The following TNR variants were observed in gnomAD, a reference collection of about 807,000 sequenced individuals.
TNR encodes the protein tenascin-R.
A neutral mutation model predicts 150.4 loss-of-function variants in TNR; 45 were observed. The ratio of observed to expected loss-of-function variants is 0.30; its 90% CI spans 0.24 to 0.38. The LOEUF is 0.38. Among genes scored for constraint, TNR ranks in the 10% least tolerant of loss-of-function variants. The pLI, the probability that TNR is intolerant of heterozygous loss-of-function variation, is 1.00. For missense variants in TNR, 1,544 were observed against 1,759.1 expected, an observed-to-expected ratio of 0.88 and a Z score of 2.19; for synonymous variants, 687 against 678.4, an observed-to-expected ratio of 1.01 and a Z score of -0.20.
intron 1 of TNR, among the ~76,000 whole-genome samples, chr1:175,730,023 G>C (rs1302303824): frequency 2.0e-5 from 3 of 152,172 alleles, no homozygotes; most frequent in Non-Finnish European, 4.4e-5. Flanking sequence ...CATGCCTAAG[G>C]TACTCTGAGC....
intron 2 of TNR, among the ~76,000 whole-genome samples, chr1:175,435,275 T>C (rs900424275): frequency 6.6e-6 from 1 of 152,116 alleles, no homozygotes; most frequent in Non-Finnish European, 1.5e-5. Context: ...CATGGTCAGA[T>C]TCTAGATACA....
At chr1:175,699,351 G>A (rs1181822326) in intron 1 of TNR, among the ~76,000 whole-genome samples, 1 of 152,182 alleles carries the variant, frequency 6.6e-6, no homozygotes, top group East Asian at 1.9e-4. Flanking sequence ...CACCAGAGCT[G>A]AGGGCTCATT....
intron 15 of TNR, among the ~76,000 whole-genome samples, chr1:175,358,485 G>A (rs1220897401): frequency 6.6e-6 from 1 of 152,168 alleles, no homozygotes; most frequent in African/African-American, 2.4e-5. Context: ...GTCTGTTTTA[G>A]TTTTTACCTT....
At chr1:175,663,040 T>A (rs150894354) in intron 1 of TNR, among the ~76,000 whole-genome samples, 39 of 152,350 alleles carry the variant, frequency 2.6e-4, no homozygotes, top group Non-Finnish European at 5.0e-4. Flanking sequence ...TGTAACATCC[T>A]CAGCATAGCC....
intron 9 of TNR, among the ~76,000 whole-genome samples, chr1:175,377,211 G>T (rs1652430539): frequency 1.3e-5 from 2 of 152,160 alleles, no homozygotes; most frequent in Non-Finnish European, 2.9e-5. Flanking sequence ...GATTAAAGAA[G>T]CTATAACTGT....
intron 8 of TNR, among the ~76,000 whole-genome samples, chr1:175,381,533 G>T (rs992659164): frequency 3.3e-5 from 5 of 152,172 alleles, no homozygotes; most frequent in Admixed American, 6.5e-5. Context: ...TGGAAAGGTG[G>T]TTGTTAGAGC....
intron 1 of TNR, among the ~76,000 whole-genome samples, chr1:175,610,240 A>C (rs1663550664): frequency 6.6e-6 from 1 of 152,228 alleles, no homozygotes; most frequent in African/African-American, 2.4e-5. Context: ...AAAACAGAGA[A>C]GGTTAAGAAA....
At chr1:175,583,696 C>G (rs761848788) in intron 1 of TNR, among the ~76,000 whole-genome samples, 10 of 152,294 alleles carry the variant, frequency 6.6e-5, no homozygotes, top group East Asian at 1.9e-4. Context: ...CCAAATACCC[C>G]CTTCCCCTCA....
At chr1:175,426,646 G>A (rs1201670535) in intron 2 of TNR, among the ~76,000 whole-genome samples, 2 of 151,528 alleles carry the variant, frequency 1.3e-5, no homozygotes, top group Non-Finnish European at 2.9e-5. Context: ...ATTTAGAAAA[G>A]GGATGTTCAA....
intron 1 of TNR, among the ~76,000 whole-genome samples, chr1:175,639,238 T>A (rs190710942): frequency 5.9e-5 from 9 of 152,328 alleles, no homozygotes; most frequent in South Asian, 4.1e-4. Context: ...ACAGATCATC[T>A]GGAGGCAAAA....
chr1:175,323,230 T>A lies in TNR; in HGVS notation c.*127A>T. 1 of 1,264,920 alleles carries A rather than the reference T, an allele frequency of 7.9e-7. No homozygotes were observed. The highest frequency in any genetic ancestry group is 1.5e-5 in the African/African-American group (1 of 66,306). The allele number at this position is 1,264,920 out of a possible 1,614,324, so 78.4% of individuals were successfully genotyped here. A position where few individuals can be genotyped will look rare whatever the true frequency, so the allele number is the denominator to read the frequency against. On this transcript the variant is annotated 3_prime_UTR_variant, in exon 23 of 23. Transcript: ENST00000367674. ...TGTTAGCCAGCGGATTCCTGCGACA[T>A]CCCTGCTTCCTTCACATACTCTTAA...
At chr1:175,471,857 A>G (rs149509327) in intron 2 of TNR, among the ~76,000 whole-genome samples, 2 of 152,370 alleles carry the variant, frequency 1.3e-5, no homozygotes, top group East Asian at 3.9e-4. Context: ...CAATAACGTA[A>G]CTTAAAACAC....
chr1:175,420,359 CA>C (rs1034284606), intron 2 of TNR, among the ~76,000 whole-genome samples: 1 of 152,158 alleles, frequency 6.6e-6, no homozygotes, highest in Admixed American at 6.5e-5. Flanking sequence ...CCTCCGTAGT[CA>C]AATGCCAAAG....
At chr1:175,326,969 A>AT (rs61107325) in intron 21 of TNR, among the ~76,000 whole-genome samples, 227 of 142,240 alleles carry the variant, frequency 1.6e-3, no homozygotes, top group African/African-American at 3.7e-3. Flanking sequence ...TTTTACTTCT[A>AT]TTTTTTTTTT....
chr1:175,324,299 G>C, intron 22 of TNR, 57 bp downstream of exon 22: 1 of 1,562,280 alleles, frequency 6.4e-7, no homozygotes, highest in Non-Finnish European at 8.7e-7. Flanking sequence ...ATAAAGCTAA[G>C]GGAGCACGGA....
intron 1 of TNR, among the ~76,000 whole-genome samples, chr1:175,691,406 A>G: frequency 6.6e-6 from 1 of 152,230 alleles, no homozygotes; most frequent in East Asian, 1.9e-4. Flanking sequence ...CTGTGTTTTA[A>G]CTAACTTTAA....
rs1648865351 is a variant in TNR at position 175,316,976 on chromosome 1, C to T, written c.*6381G>A. 1 of 152,124 alleles carries T rather than the reference C, an allele frequency of 6.6e-6. No homozygotes were observed. Among genetic ancestry groups the T allele is most frequent in the Non-Finnish European group, 1.5e-5 (1 of 68,014 alleles). The allele number at this position is 152,124 out of a possible 1,614,324, so 9.4% of individuals were successfully genotyped here. A position where few individuals can be genotyped will look rare whatever the true frequency, so the allele number is the denominator to read the frequency against. ...CAGCTAAATAAATATAAAGAGCAGCCTCATGAAGTGGAAAAATCAAGGGCT... is the reference window on the plus strand; with the variant it reads ...CAGCTAAATAAATATAAAGAGCAGCTTCATGAAGTGGAAAAATCAAGGGCT... On this transcript the variant is annotated 3_prime_UTR_variant, in exon 23 of 23. Coordinates refer to ENST00000367674, the MANE Select transcript of TNR (RefSeq NM_003285.3).
chr1:175,692,548 T>C (rs898290764), intron 1 of TNR, among the ~76,000 whole-genome samples: 16 of 152,206 alleles, frequency 1.1e-4, no homozygotes. Context: ...TTTGCAGCTA[T>C]AAACAAGTAA....
intron 2 of TNR, among the ~76,000 whole-genome samples, chr1:175,491,642 C>CTTTTTTTTTT (rs60469855): frequency 1.2e-5 from 1 of 85,162 alleles, no homozygotes; most frequent in Non-Finnish European, 2.1e-5. Flanking sequence ...CAGGCCCAGA[C>CTTTTTTTTTT]TTTTTTTTTT....
Sources: gnomAD v4.1 joint callset for allele counts (sites outside exome capture counted in the v4.1 genomes callset) on GRCh38, gnomAD v4.1.1 for gene constraint, MANE v1.5 for transcripts, NCBI Gene and HGNC (gene_info 2026-07-23, HGNC 2026-07-21) for gene names.